Variants in BCAS3 observed in about 807,000 individuals in gnomAD.
BCAS3 encodes BCAS3 microtubule associated cell migration factor.
BCAS3 carries 53 observed loss-of-function variants against 116.1 expected under a neutral mutation model. The observed-to-expected ratio is 0.46, with a 90% CI of 0.37 to 0.57. BCAS3 has a LOEUF of 0.57. Ranked by LOEUF, BCAS3 falls within the 20% of genes least tolerant of loss-of-function variation. The pLI is 0.00. For synonymous variants in BCAS3, 391 were observed against 408.2 expected (o/e 0.96, Z 0.51); for missense variants, 917 against 1,165.4 (o/e 0.79, Z 3.10).
intron 7 of BCAS3, chr17:60,811,251 A>G (rs1363856652): frequency 6.7e-6 from 6 of 894,734 alleles, no homozygotes; most frequent in Admixed American, 4.0e-5. Flanking sequence ...CGCCAGGCCC[A>G]GGAGTAGGAG....
chr17:61,001,066 A>G (rs766497252), intron 15 of BCAS3, among the ~76,000 whole-genome samples: 1 of 152,148 alleles, frequency 6.6e-6, no homozygotes, highest in Non-Finnish European at 1.5e-5. Context: ...GCAGTTCTCT[A>G]GAGTTCCTGC....
At chr17:60,744,845 G>A (rs1413206365) in intron 5 of BCAS3, among the ~76,000 whole-genome samples, 1 of 152,082 alleles carries the variant, frequency 6.6e-6, no homozygotes, top group East Asian at 1.9e-4. Flanking sequence ...TGTAAGGAGG[G>A]ATTTAAGATA....
chr17:61,114,103 C>G (rs2075271929), intron 22 of BCAS3, among the ~76,000 whole-genome samples: 1 of 148,654 alleles, frequency 6.7e-6, no homozygotes, highest in Admixed American at 6.8e-5. Context: ...ATAATAAGAG[C>G]TATCTATGAC....
chr17:61,339,766 A>G lies in BCAS3; in HGVS notation c.2426-28561A>G, dbSNP rs796779437. On this transcript the variant is annotated intron_variant, in intron 22 of 23. Coordinates refer to ENST00000407086, the MANE Select transcript of BCAS3 (RefSeq NM_017679.5). This position sits in a 1 kb window ranked among gnomAD's most constrained non-coding sequence, Gnocchi z 4.4. The stretch of plus-strand genomic sequence containing the variant: ...GGGCGACAAAGCGAGACCCCATCTA[A>G]AAAAAAAAAAAAAAGACCAAGGAGA... Among the ~76,000 whole-genome samples, 3 of 143,808 alleles carry G rather than the reference A, an allele frequency of 2.1e-5. No individual in the cohort carries two copies. Among genetic ancestry groups the G allele is most frequent in the East Asian group, 2.0e-4 (1 of 4,996 alleles). 94.3% of individuals were successfully genotyped at this position (143,808 alleles called of 152,430 possible). A position where few individuals can be genotyped will look rare whatever the true frequency, so the allele number is the denominator to read the frequency against.
chr17:61,346,359 G>A lies in BCAS3; in HGVS notation c.2426-21968G>A, dbSNP rs1250302231. Among the ~76,000 whole-genome samples, 1 of 152,186 alleles carries A rather than the reference G, an allele frequency of 6.6e-6. No homozygotes were observed. Among genetic ancestry groups the A allele is most frequent in the Non-Finnish European group, 1.5e-5 (1 of 68,034 alleles). ...AGAAAACTTTTTTAAATGCCTGAAA[G>A]GAATGTTATATGAGATGTCTAAAGT... is the stretch of plus-strand genomic sequence containing the variant. On this transcript the variant is annotated intron_variant, in intron 22 of 23. Coordinates refer to ENST00000407086, the MANE Select transcript of BCAS3 (RefSeq NM_017679.5). The surrounding 1 kb of genome is among the most constrained non-coding windows in gnomAD (Gnocchi z 5.4).
rs1422796871 is a variant in BCAS3, at chr17:61,302,152, G to C, written c.2426-66175G>C. 6.6e-6 allele frequency among the ~76,000 whole-genome samples: 1 copy of C among 152,006 alleles called. No individual in the cohort carries two copies. Among genetic ancestry groups the C allele is most frequent in the Non-Finnish European group, 1.5e-5 (1 of 68,004 alleles). On this transcript the variant is annotated intron_variant, in intron 22 of 23. Transcript: ENST00000407086. This position sits in a 1 kb window ranked among gnomAD's most constrained non-coding sequence, Gnocchi z 4.4. ...CCCTGTCCCACTCTTGCCATGCCAG[G>C]AGAAAGAGCCAAAAACTCCCCCCTC... is the stretch of plus-strand genomic sequence containing the variant.
At chr17:61,138,652 T>C (rs945002140) in intron 22 of BCAS3, among the ~76,000 whole-genome samples, 1 of 152,242 alleles carries the variant, frequency 6.6e-6, no homozygotes, top group South Asian at 2.1e-4. Flanking sequence ...GTGGTATATT[T>C]GATTGTTTTC....
At chr17:60,860,867 G>T (rs1052360692) in intron 7 of BCAS3, among the ~76,000 whole-genome samples, 1 of 152,136 alleles carries the variant, frequency 6.6e-6, no homozygotes, top group Non-Finnish European at 1.5e-5. Context: ...TTTTGTATCA[G>T]TACCATGCTA....
chr17:61,114,016 AG>A (rs1244043602), intron 22 of BCAS3, among the ~76,000 whole-genome samples: 1 of 151,554 alleles, frequency 6.6e-6, no homozygotes, highest in Admixed American at 6.6e-5. Context: ...GATGCAGAAA[AG>A]GCCTTTGACA....
intron 22 of BCAS3, among the ~76,000 whole-genome samples, chr17:61,133,859 C>CAA (rs11449964): frequency 0.77 from 63,627 of 82,242 alleles, 24,865 homozygotes; most frequent in South Asian, 0.88. Flanking sequence ...CCTGGAATCT[C>CAA]AAAAAAAAAA....
intron 5 of BCAS3, among the ~76,000 whole-genome samples, chr17:60,715,132 CTTTTTTT>C (rs200488032): frequency 8.0e-6 from 1 of 125,414 alleles, no homozygotes. Context: ...CTTTCTCTTT[CTTTTTTT>C]TTTTTTTTTT....
intron 22 of BCAS3, among the ~76,000 whole-genome samples, chr17:61,103,834 A>T (rs1219233738): frequency 6.6e-6 from 1 of 152,234 alleles, no homozygotes; most frequent in Non-Finnish European, 1.5e-5. Context: ...TTTTTATAAC[A>T]GTCCCTAAAT....
In BCAS3 at chr17:61,041,238, A is replaced by G. The variant is rs1016925139; in HGVS notation, c.2029+346A>G. ...ATAAAGCTTGGAATCTGTTTCTAAC[A>G]TGGAAAAAAAAAAACCCCAAAACTT... On this transcript the variant is annotated intron_variant, in intron 19 of 23. Coordinates refer to ENST00000407086, the MANE Select transcript of BCAS3 (RefSeq NM_017679.5). The surrounding 1 kb of genome is among the most constrained non-coding windows in gnomAD (Gnocchi z 4.7). 4.1e-5 allele frequency among the ~76,000 whole-genome samples: 6 copies of G among 147,816 alleles called. No homozygotes were observed. Among genetic ancestry groups the G allele is most frequent in the African/African-American group, 1.3e-4 (5 of 37,428 alleles).
chr17:61,204,135 C>G lies in BCAS3; in HGVS notation c.2425+119571C>G, dbSNP rs1211933856. Among the ~76,000 whole-genome samples the G allele has an allele frequency of 6.6e-6, 1 of 152,162 alleles. No homozygotes were observed. The highest frequency in any genetic ancestry group is 1.5e-5 in the Non-Finnish European group (1 of 68,028). On this transcript the variant is annotated intron_variant, in intron 22 of 23. Coordinates refer to ENST00000407086, the MANE Select transcript of BCAS3 (RefSeq NM_017679.5). The surrounding 1 kb of genome is among the most constrained non-coding windows in gnomAD (Gnocchi z 4.2). ...TCACCAGAGTCACTCAGTCTCTGAG[C>G]CAAACCTGCCTTTGTTTACAACTTT...
At chr17:60,890,636 C>T (rs2057082144) in intron 10 of BCAS3, among the ~76,000 whole-genome samples, 1 of 151,988 alleles carries the variant, frequency 6.6e-6, no homozygotes, top group African/African-American at 2.4e-5. Flanking sequence ...ATACTATATG[C>T]ACTAGGAATT....
intron 6 of BCAS3, among the ~76,000 whole-genome samples, chr17:60,779,362 T>C (rs1568233004): frequency 2.0e-5 from 3 of 151,858 alleles, no homozygotes; most frequent in African/African-American, 7.3e-5. Flanking sequence ...ACGTAAGTTA[T>C]TTTCTTTCTT....
At chr17:61,310,616 C>T (rs1316551702) in intron 22 of BCAS3, among the ~76,000 whole-genome samples, 1 of 151,702 alleles carries the variant, frequency 6.6e-6, no homozygotes, top group Non-Finnish European at 1.5e-5. Context: ...AGCCTGCATG[C>T]GAATCATCGC....
At chr17:60,843,811 C>T (rs1599096959) in intron 7 of BCAS3, among the ~76,000 whole-genome samples, 1 of 152,240 alleles carries the variant, frequency 6.6e-6, no homozygotes, top group East Asian at 1.9e-4. Flanking sequence ...TTTCTTTATG[C>T]ATATTACTTA....
At chr17:60,737,535 T>C (rs757406967) in intron 5 of BCAS3, among the ~76,000 whole-genome samples, 9 of 152,080 alleles carry the variant, frequency 5.9e-5, no homozygotes, top group Non-Finnish European at 1.2e-4. Context: ...CAGTCAGTGC[T>C]ACAGATTTCC....
Sources: allele counts gnomAD v4.1 joint callset (sites outside exome capture counted in the v4.1 genomes callset), GRCh38; gene constraint gnomAD v4.1.1; non-coding constraint Gnocchi (gnomAD v3.1); transcripts MANE v1.5; gene names NCBI Gene and HGNC (gene_info 2026-07-23, HGNC 2026-07-21).